The following MGAT4C variants were observed in gnomAD, a reference collection of about 807,000 sequenced individuals.
MGAT4C encodes the protein alpha-1,3-mannosyl-glycoprotein 4-beta-N-acetylglucosaminyltransferase C.
Under a neutral mutation model 40.1 loss-of-function variants are expected in MGAT4C, and 19 were observed. The ratio of observed to expected loss-of-function variants is 0.47; its 90% CI spans 0.33 to 0.70. MGAT4C has a LOEUF of 0.70. Among genes scored for constraint, MGAT4C ranks in the 30% least tolerant of loss-of-function variants. The probability of loss-of-function intolerance (pLI) is 0.02; values close to 1 mark genes in which losing one functional copy is unlikely to be tolerated. For synonymous variants in MGAT4C, 181 were observed against 187.1 expected (o/e 0.97, Z 0.27); for missense variants, 491 against 563.2 (o/e 0.87, Z 1.30).
chr12:86,558,995 TACAG>T (rs1959740091), intron 2 of MGAT4C, among the ~76,000 whole-genome samples: 2 of 151,836 alleles, frequency 1.3e-5, no homozygotes, highest in East Asian at 1.9e-4. Context: ...AATAAAAGAC[TACAG>T]ACAGTCTATG....
intron 2 of MGAT4C, among the ~76,000 whole-genome samples, chr12:86,709,256 TGC>T (rs1950515840): frequency 3.3e-5 from 5 of 152,176 alleles, no homozygotes; most frequent in African/African-American, 1.2e-4. Flanking sequence ...AGACGTAACT[TGC>T]TCCTCTTTAC....
At chr12:86,706,334 G>A (rs768286294) in intron 2 of MGAT4C, among the ~76,000 whole-genome samples, 31 of 152,100 alleles carry the variant, frequency 2.0e-4, no homozygotes, top group Non-Finnish European at 4.4e-4. Flanking sequence ...CTGAGAATTG[G>A]ATTTTTTAGG....
intron 2 of MGAT4C, among the ~76,000 whole-genome samples, chr12:86,655,107 T>C (rs902207377): frequency 1.3e-5 from 2 of 151,992 alleles, no homozygotes; most frequent in Non-Finnish European, 2.9e-5. Flanking sequence ...TGCATAGGTA[T>C]ATATGTGCCA....
At chr12:86,118,869 G>T (rs1214295413) in intron 1 of MGAT4C, among the ~76,000 whole-genome samples, 1 of 152,070 alleles carries the variant, frequency 6.6e-6, no homozygotes, top group Non-Finnish European at 1.5e-5. Flanking sequence ...TATGCATCTG[G>T]AAAGAGTATT....
intron 1 of MGAT4C, among the ~76,000 whole-genome samples, chr12:86,100,640 T>C (rs947497767): frequency 6.6e-6 from 1 of 151,504 alleles, no homozygotes; most frequent in Non-Finnish European, 1.5e-5. Flanking sequence ...GTAGAGTGTA[T>C]ATATTCATAA....
intron 1 of MGAT4C, among the ~76,000 whole-genome samples, chr12:86,058,619 A>G (rs1364217082): frequency 1.3e-5 from 2 of 152,106 alleles, no homozygotes; most frequent in Admixed American, 6.6e-5. Flanking sequence ...ATCCTAAAAC[A>G]TTTGGTAACT....
intron 1 of MGAT4C, among the ~76,000 whole-genome samples, chr12:86,132,565 G>A (rs1158170631): frequency 6.6e-6 from 1 of 152,098 alleles, no homozygotes; most frequent in East Asian, 1.9e-4. Context: ...ATGCCAAGGA[G>A]GGCAGATCAT....
chr12:86,800,894 C>A (rs973657797), intron 1 of MGAT4C, among the ~76,000 whole-genome samples: 1 of 151,850 alleles, frequency 6.6e-6, no homozygotes, highest in Non-Finnish European at 1.5e-5. Flanking sequence ...CCTGCTAAGT[C>A]AGTTTTAGCC....
chr12:86,222,585 C>T (rs1292689301), intron 1 of MGAT4C, among the ~76,000 whole-genome samples: 3 of 152,066 alleles, frequency 2.0e-5, no homozygotes, highest in Non-Finnish European at 4.4e-5. Context: ...CCATAAAAAA[C>T]GAATCTCAGC....
chr12:86,454,139 T>C (rs1313319824), intron 2 of MGAT4C, among the ~76,000 whole-genome samples: 1 of 152,184 alleles, frequency 6.6e-6, no homozygotes, highest in Non-Finnish European at 1.5e-5. Flanking sequence ...AACTAAGTTT[T>C]GGTAAAATGC....
intron 2 of MGAT4C, among the ~76,000 whole-genome samples, chr12:86,444,783 T>C (rs1957303351): frequency 6.6e-6 from 1 of 152,226 alleles, no homozygotes; most frequent in Non-Finnish European, 1.5e-5. Context: ...ATTCACTTTG[T>C]TGCACAACTA....
chr12:86,367,322 A>G (rs1022554010), intron 3 of MGAT4C, among the ~76,000 whole-genome samples: 3 of 152,106 alleles, frequency 2.0e-5, no homozygotes, highest in African/African-American at 7.2e-5. Flanking sequence ...TCAATAGCAC[A>G]TTCCTTACCC....
chr12:86,086,127 CT>C (rs1871783257), intron 1 of MGAT4C, among the ~76,000 whole-genome samples: 1 of 152,066 alleles, frequency 6.6e-6, no homozygotes, highest in Non-Finnish European at 1.5e-5. Context: ...ATAGCAAAGA[CT>C]TGGACCCAAC....
intron 1 of MGAT4C, among the ~76,000 whole-genome samples, chr12:86,074,881 T>G (rs1565945232): frequency 6.6e-6 from 1 of 152,056 alleles, no homozygotes; most frequent in Non-Finnish European, 1.5e-5. Flanking sequence ...GATTCAATTA[T>G]CTCCTACCAG....
At chr12:86,096,490 G>C (rs939875109) in intron 1 of MGAT4C, among the ~76,000 whole-genome samples, 4 of 143,016 alleles carry the variant, frequency 2.8e-5, no homozygotes, top group African/African-American at 1.0e-4. Flanking sequence ...ATCTTAATTG[G>C]TTGTCTGTTG....
At chr12:86,432,899 T>A (rs1315209050) in intron 3 of MGAT4C, among the ~76,000 whole-genome samples, 1 of 152,108 alleles carries the variant, frequency 6.6e-6, no homozygotes, top group Non-Finnish European at 1.5e-5. Flanking sequence ...AACTTTTTTT[T>A]TCATAAAATT....
intron 1 of MGAT4C, among the ~76,000 whole-genome samples, chr12:86,740,254 A>G (rs1364086208): frequency 6.6e-6 from 1 of 151,136 alleles, no homozygotes; most frequent in African/African-American, 2.4e-5. Context: ...TTTTCTTTGA[A>G]AAAATACTAC....
chr12:86,316,478 A>G lies in MGAT4C; in HGVS notation c.-57+17587T>C, dbSNP rs571468992. Among the ~76,000 whole-genome samples, 41 of 152,320 alleles carry G rather than the reference A, an allele frequency of 2.7e-4. No individual in the cohort carries two copies. In the East Asian group the frequency reaches 7.7e-3, roughly 29 times the overall value. ...ATGGAATCAACCTAGGTGCCCATCAACAGTGAACTGAATAAAGAAAATGTG... is the reference window on the plus strand; with the variant it reads ...ATGGAATCAACCTAGGTGCCCATCAGCAGTGAACTGAATAAAGAAAATGTG... On this transcript the variant is annotated intron_variant, in intron 4 of 7. Transcript: ENST00000548651.
chr12:86,057,500 A>G (rs967247137), intron 1 of MGAT4C, among the ~76,000 whole-genome samples: 19 of 152,140 alleles, frequency 1.2e-4, no homozygotes, highest in African/African-American at 4.3e-4. Flanking sequence ...TTCCAAACAC[A>G]TTTCATGTGA....
Sources: gnomAD v4.1 joint callset for allele counts (sites outside exome capture counted in the v4.1 genomes callset) on GRCh38, gnomAD v4.1.1 for gene constraint, MANE v1.5 for transcripts, NCBI Gene and HGNC (gene_info 2026-07-23, HGNC 2026-07-21) for gene names.